Variants in PDE1C observed in about 807,000 individuals in gnomAD.
PDE1C encodes dual specificity calcium/calmodulin-dependent 3',5'-cyclic nucleotide phosphodiesterase 1C.
In PDE1C, 62 loss-of-function variants were observed where a neutral mutation model predicts 93.1. That is an observed-to-expected ratio of 0.67 (90% CI 0.54 to 0.82). The LOEUF is 0.82. Ranked by LOEUF, PDE1C falls within the 40% of genes least tolerant of loss-of-function variation. PDE1C has a pLI of 0.00. For missense variants in PDE1C, 742 were observed against 884.6 expected, an observed-to-expected ratio of 0.84 and a Z score of 2.04; for synonymous variants, 325 against 310.1, an observed-to-expected ratio of 1.05 and a Z score of -0.50.
At chr7:32,276,955 G>A (rs1317072936) in intron 1 of PDE1C, among the ~76,000 whole-genome samples, 1 of 152,012 alleles carries the variant, frequency 6.6e-6, no homozygotes, top group African/African-American at 2.4e-5. Context: ...CCCATATCAC[G>A]CAAAAGCTGC....
At chr7:31,972,471 A>G (rs1024010566) in intron 2 of PDE1C, among the ~76,000 whole-genome samples, 2 of 152,162 alleles carry the variant, frequency 1.3e-5, no homozygotes, top group African/African-American at 4.8e-5. Flanking sequence ...AAGAGCCAAA[A>G]TGTAAAATTT....
chr7:32,149,723 A>G (rs1282135035), intron 3 of PDE1C, among the ~76,000 whole-genome samples: 5 of 152,232 alleles, frequency 3.3e-5, no homozygotes. Context: ...GTTCATAAAG[A>G]AAGTCCATCA....
In PDE1C at chr7:31,753,280, C is replaced by T. The variant is rs1227291539; in HGVS notation, c.*104G>A. 34 of 1,408,844 alleles carry T rather than the reference C, an allele frequency of 2.4e-5. No individual in the cohort carries two copies. The Admixed American group carries it at 6.1e-4, about 25-fold the overall frequency. 87.3% of individuals were successfully genotyped at this position (1,408,844 alleles called of 1,614,324 possible). A position where few individuals can be genotyped will look rare whatever the true frequency, so the allele number is the denominator to read the frequency against. On this transcript the variant is annotated 3_prime_UTR_variant, in exon 18 of 18. Transcript: ENST00000396191. ...GGAGTCAACCAGGATAGTACCTGCT[C>T]CAACAGCCTCCAAGGGTCTTGGAGG...
the PDE1C span, chr7:31,643,888 C>CTGGTCACTGGGCTTCCTGGTG: frequency 1.2e-6 from 2 of 1,613,886 alleles, no homozygotes; most frequent in South Asian, 2.2e-5. Context: ...AACTGGTCAC[C>CTGGTCACTGGGCTTCCTGGTG]AGGAAGCCCA....
chr7:31,800,021 C>T (rs918048400), intron 16 of PDE1C, among the ~76,000 whole-genome samples: 4 of 151,640 alleles, frequency 2.6e-5, no homozygotes, highest in African/African-American at 7.3e-5. Flanking sequence ...ATTTTCACAT[C>T]CTTAATGATG....
intron 13 of PDE1C, 68 bp downstream of exon 13, chr7:31,824,799 G>A (rs923492071): frequency 1.9e-5 from 30 of 1,578,844 alleles, no homozygotes; most frequent in Non-Finnish European, 2.4e-5. Flanking sequence ...CCCATCCCCA[G>A]CAAAAGAAGA....
intron 2 of PDE1C, among the ~76,000 whole-genome samples, chr7:31,981,992 G>C (rs1812444961): frequency 6.6e-6 from 1 of 152,198 alleles, no homozygotes; most frequent in Non-Finnish European, 1.5e-5. Context: ...GCCTTCAAAA[G>C]AGGCTGTTAT....
the PDE1C span, among the ~76,000 whole-genome samples, chr7:31,676,988 GA>G: frequency 6.6e-6 from 1 of 152,180 alleles, no homozygotes; most frequent in Non-Finnish European, 1.5e-5. Context: ...AGAATGTCCT[GA>G]TTTGGTAAAT....
At chr7:31,843,681 G>A (rs1412208445) in intron 9 of PDE1C, among the ~76,000 whole-genome samples, 2 of 151,614 alleles carry the variant, frequency 1.3e-5, no homozygotes, top group Non-Finnish European at 3.0e-5. Flanking sequence ...AACATTTAAT[G>A]TAATTATTAA....
the PDE1C span, among the ~76,000 whole-genome samples, chr7:31,629,070 T>C: frequency 1.3e-5 from 2 of 152,232 alleles, no homozygotes; most frequent in Admixed American, 6.5e-5. Flanking sequence ...CAGGTGGTCA[T>C]GGGACATTGT....
At chr7:31,864,774 C>T (rs1407792973) in intron 7 of PDE1C, among the ~76,000 whole-genome samples, 168 bp downstream of exon 7, 1 of 152,082 alleles carries the variant, frequency 6.6e-6, no homozygotes, top group Admixed American at 6.5e-5. Flanking sequence ...TCAGAGGCAA[C>T]GGAGAACTCC....
chr7:31,865,672 C>T (rs947991711), intron 6 of PDE1C, among the ~76,000 whole-genome samples: 1 of 152,164 alleles, frequency 6.6e-6, no homozygotes, highest in Non-Finnish European at 1.5e-5. Flanking sequence ...AACATAAGAA[C>T]ATAGCCTGTT....
intron 1 of PDE1C, among the ~76,000 whole-genome samples, chr7:32,309,354 G>A (rs1430842852): frequency 1.3e-5 from 2 of 152,114 alleles, no homozygotes; most frequent in African/African-American, 4.8e-5. Flanking sequence ...AACTTCCCCA[G>A]TCCAGCAAGG....
intron 1 of PDE1C, among the ~76,000 whole-genome samples, chr7:32,212,622 G>A (rs1298619256): frequency 2.0e-5 from 3 of 152,106 alleles, no homozygotes; most frequent in Non-Finnish European, 2.9e-5. Context: ...TCCCACACAC[G>A]CCCTTCACAC....
chr7:32,404,588 T>G (rs1312324578), intron 1 of PDE1C, among the ~76,000 whole-genome samples: 3 of 152,170 alleles, frequency 2.0e-5, no homozygotes, highest in Non-Finnish European at 4.4e-5. Context: ...TTCAAATTCC[T>G]GGGCTCAAGC....
the PDE1C span, among the ~76,000 whole-genome samples, chr7:31,680,883 G>T: frequency 6.6e-6 from 1 of 152,182 alleles, no homozygotes; most frequent in Non-Finnish European, 1.5e-5. Flanking sequence ...TGTGGAAAAT[G>T]GAGACATATT....
At chr7:31,910,599 T>C (rs1457381021) in intron 2 of PDE1C, among the ~76,000 whole-genome samples, 1 of 152,212 alleles carries the variant, frequency 6.6e-6, no homozygotes, top group Non-Finnish European at 1.5e-5. Context: ...TAGGTTCTTA[T>C]TCAAGAATAC....
At chr7:32,266,040 C>T (rs928229653) in intron 1 of PDE1C, among the ~76,000 whole-genome samples, 2 of 151,654 alleles carry the variant, frequency 1.3e-5, no homozygotes, top group East Asian at 1.9e-4. Context: ...TTTGAGAGGC[C>T]GAGGCAGGCA....
At chr7:31,636,702 C>G in the PDE1C span, among the ~76,000 whole-genome samples, 1 of 151,582 alleles carries the variant, frequency 6.6e-6, no homozygotes, top group Non-Finnish European at 1.5e-5. Context: ...GGCCCAGAAG[C>G]ACATAAAGGG....
Sources: allele counts gnomAD v4.1 joint callset (sites outside exome capture counted in the v4.1 genomes callset), GRCh38; gene constraint gnomAD v4.1.1; transcripts MANE v1.5; gene names NCBI Gene and HGNC (gene_info 2026-07-23, HGNC 2026-07-21).